THSD7B: variants seen among roughly 807,000 people sequenced by gnomAD.
THSD7B encodes thrombospondin type 1 domain containing 7B.
Under a neutral mutation model 213.6 loss-of-function variants are expected in THSD7B, and 138 were observed. The ratio of observed to expected loss-of-function variants is 0.65; its 90% confidence interval spans 0.56 to 0.74. The LOEUF (loss-of-function observed/expected upper bound fraction) is 0.74. THSD7B is among the 30% of genes least tolerant of loss of function. The pLI is 0.00. For synonymous variants in THSD7B, 742 were observed against 687.0 expected, an observed-to-expected ratio of 1.08 and a Z score of -1.25; for missense variants, 1,931 against 1,991.5, an observed-to-expected ratio of 0.97 and a Z score of 0.58.
At chr2:137,547,322 C>G (rs1248752138) in intron 15 of THSD7B, among the ~76,000 whole-genome samples, 1 of 151,990 alleles carries the variant, frequency 6.6e-6, no homozygotes, top group Non-Finnish European at 1.5e-5. Flanking sequence ...AGTGTTCATA[C>G]TTTCAAAAGC....
At chr2:137,108,339 T>C (rs956578012) in intron 4 of THSD7B, among the ~76,000 whole-genome samples, 8 of 152,260 alleles carry the variant, frequency 5.3e-5, no homozygotes, top group African/African-American at 1.9e-4. Flanking sequence ...ATGGTCCTGG[T>C]TCTATTTTAA....
chr2:137,432,119 G>A (rs980452875), intron 14 of THSD7B, among the ~76,000 whole-genome samples: 3 of 152,250 alleles, frequency 2.0e-5, no homozygotes, highest in Middle Eastern at 3.4e-3. Context: ...GCGGCCAGGC[G>A]CGGTGGCTCC....
Position 137,132,546 on chromosome 2 carries a change from C to T in THSD7B, c.1369+17253C>T, listed in dbSNP as rs908520383. Reference sequence around the variant, plus strand: ...CCAGTATTAAGTGACTGTCTTTTAGCTCTCTGCTAATCCTTCTTTATATAG... The same window carrying T: ...CCAGTATTAAGTGACTGTCTTTTAGTTCTCTGCTAATCCTTCTTTATATAG... On this transcript the variant is annotated intron_variant, in intron 5 of 27. Transcript: ENST00000409968. Among the ~76,000 whole-genome samples the T allele has an allele frequency of 1.4e-4, 21 of 152,110 alleles. 1 individual carries two copies. The highest frequency in any genetic ancestry group is 2.4e-5 in the African/African-American group (1 of 41,428).
chr2:137,448,995 T>C (rs1687596735), intron 14 of THSD7B, among the ~76,000 whole-genome samples: 1 of 152,200 alleles, frequency 6.6e-6, no homozygotes, highest in African/African-American at 2.4e-5. Context: ...TTTATTTTTG[T>C]AAAGTGTGTT....
At chr2:136,772,551 A>C (rs1010069986) in intron 1 of THSD7B, among the ~76,000 whole-genome samples, 5 of 152,168 alleles carry the variant, frequency 3.3e-5, no homozygotes, top group Admixed American at 6.5e-5. Flanking sequence ...TATCATTAGA[A>C]CAGAACTGTC....
At chr2:136,900,566 T>C (rs1278841184) in intron 2 of THSD7B, among the ~76,000 whole-genome samples, 1 of 152,200 alleles carries the variant, frequency 6.6e-6, no homozygotes, top group Non-Finnish European at 1.5e-5. Flanking sequence ...TATCACATTT[T>C]ATAAAAGACC....
At chr2:136,942,285 C>T (rs928627111) in intron 2 of THSD7B, among the ~76,000 whole-genome samples, 1 of 152,126 alleles carries the variant, frequency 6.6e-6, no homozygotes, top group African/African-American at 2.4e-5. Context: ...TAGCATGATG[C>T]CTCCAGCTTT....
chr2:137,663,674 G>T, intron 26 of THSD7B, 99 bp downstream of exon 26: 1 of 1,115,308 alleles, frequency 9.0e-7, no homozygotes, highest in Non-Finnish European at 1.3e-6. Flanking sequence ...AGGAGGAAAA[G>T]AGGAGAGAAG....
intron 12 of THSD7B, among the ~76,000 whole-genome samples, chr2:137,390,575 T>C (rs1686000374): frequency 6.6e-6 from 1 of 152,200 alleles, no homozygotes; most frequent in Non-Finnish European, 1.5e-5. Context: ...CTACATCGAA[T>C]AAAAGTAGTA....
At chr2:137,005,338 G>T (rs932064428) in intron 2 of THSD7B, among the ~76,000 whole-genome samples, 1 of 152,168 alleles carries the variant, frequency 6.6e-6, no homozygotes, top group Admixed American at 6.5e-5. Flanking sequence ...CTAAAGAAAA[G>T]AAAAGTAGGG....
At chr2:136,933,389 AC>A (rs1171361781) in intron 2 of THSD7B, among the ~76,000 whole-genome samples, 3 of 152,086 alleles carry the variant, frequency 2.0e-5, no homozygotes, top group African/African-American at 7.2e-5. Context: ...AATCTGGCCA[AC>A]ATGGTGAAAC....
intron 2 of THSD7B, among the ~76,000 whole-genome samples, chr2:137,033,909 T>A (rs1686722619): frequency 6.6e-6 from 1 of 152,108 alleles, no homozygotes; most frequent in African/African-American, 2.4e-5. Flanking sequence ...TCATTTACAT[T>A]AGGTATTTCT....
rs112662939 is a variant in THSD7B, at chr2:137,305,757, C to A, written c.2500+29731C>A. Among the ~76,000 whole-genome samples, 1,159 of 152,186 alleles carry A rather than the reference C, an allele frequency of 7.6e-3. 8 individuals carry two copies. The highest frequency in any genetic ancestry group is 0.02 in the South Asian group (96 of 4,770). Reference sequence around the variant, plus strand: ...CATGTGTCACTTAATGACAGGGATACTTCCTGGGAAATGTGTCTTTAGGTG... The same window carrying A: ...CATGTGTCACTTAATGACAGGGATAATTCCTGGGAAATGTGTCTTTAGGTG... On this transcript the variant is annotated intron_variant, in intron 12 of 27. Coordinates refer to ENST00000409968, the MANE Select transcript of THSD7B (RefSeq NM_001316349.2).
At chr2:137,221,533 G>C (rs529639525) in intron 7 of THSD7B, among the ~76,000 whole-genome samples, 58 of 152,200 alleles carry the variant, frequency 3.8e-4, no homozygotes, top group African/African-American at 1.3e-3. Context: ...AAGAAAATAG[G>C]CAACTTTTTC....
chr2:137,598,504 A>G (rs1682007618), intron 17 of THSD7B, among the ~76,000 whole-genome samples: 1 of 152,200 alleles, frequency 6.6e-6, no homozygotes, highest in African/African-American at 2.4e-5. Flanking sequence ...AAACATTTAC[A>G]CTGGCTTGTA....
chr2:137,305,934 A>G (rs1683731001), intron 12 of THSD7B, among the ~76,000 whole-genome samples: 2 of 152,168 alleles, frequency 1.3e-5, no homozygotes, highest in Admixed American at 6.5e-5. Flanking sequence ...ACTGTAGGCA[A>G]TGATAACACA....
At chr2:136,948,479 T>C (rs73957715) in intron 2 of THSD7B, among the ~76,000 whole-genome samples, 9 of 130,606 alleles carry the variant, frequency 6.9e-5, no homozygotes, top group Middle Eastern at 7.6e-3. Context: ...CACACACACA[T>C]GCACACATAC....
intron 17 of THSD7B, among the ~76,000 whole-genome samples, chr2:137,607,140 C>T (rs903284119): frequency 6.7e-6 from 1 of 148,338 alleles, no homozygotes; most frequent in African/African-American, 2.5e-5. Flanking sequence ...AGACTTCACT[C>T]GTGTTATTCA....
chr2:137,598,336 G>C (rs569608752), intron 17 of THSD7B, among the ~76,000 whole-genome samples: 16 of 152,256 alleles, frequency 1.1e-4, no homozygotes, highest in African/African-American at 3.9e-4. Flanking sequence ...AGGAGTAAAA[G>C]ATGATTTTCT....
Sources: gnomAD v4.1 joint callset for allele counts (sites outside exome capture counted in the v4.1 genomes callset) on GRCh38, gnomAD v4.1.1 for gene constraint, MANE v1.5 for transcripts, NCBI Gene and HGNC (gene_info 2026-07-23, HGNC 2026-07-21) for gene names.